SLCO3A1: variants seen among roughly 807,000 people sequenced by gnomAD.
The protein encoded by SLCO3A1 is PGE1 transporter.
A neutral mutation model predicts 63.1 loss-of-function variants in SLCO3A1; 27 were observed. The ratio of observed to expected loss-of-function variants is 0.43; its 90% CI spans 0.32 to 0.59. The LOEUF is 0.59. Ranked by LOEUF, SLCO3A1 falls within the 20% of genes least tolerant of loss-of-function variation. The pLI is 0.09. For synonymous variants in SLCO3A1, 473 were observed against 409.9 expected, an observed-to-expected ratio of 1.15 and a Z score of -1.86; for missense variants, 773 against 945.8, an observed-to-expected ratio of 0.82 and a Z score of 2.40.
At chr15:91,917,022 G>A (rs142687706) in intron 2 of SLCO3A1, among the ~76,000 whole-genome samples, 8 of 152,150 alleles carry the variant, frequency 5.3e-5, no homozygotes, top group Non-Finnish European at 1.0e-4. Flanking sequence ...TATTTTTCAC[G>A]GTCAGAGTTT....
intron 2 of SLCO3A1, among the ~76,000 whole-genome samples, chr15:91,973,795 A>G (rs970295902): frequency 6.6e-5 from 10 of 152,178 alleles, no homozygotes; most frequent in African/African-American, 2.4e-4. Flanking sequence ...AAATGTCAAT[A>G]ATGCCAAGCC....
intron 2 of SLCO3A1, among the ~76,000 whole-genome samples, chr15:92,017,442 C>T (rs943487964): frequency 6.6e-5 from 10 of 152,124 alleles, no homozygotes; most frequent in African/African-American, 1.9e-4. Context: ...AGAGAAGAAG[C>T]GGTGTGTGAA....
chr15:91,857,067 T>A lies in SLCO3A1; in HGVS notation c.180+2979T>A, dbSNP rs1014613218. Among the ~76,000 whole-genome samples the A allele has an allele frequency of 6.1e-3, 826 of 135,264 alleles. 10 individuals are homozygous for A. The highest frequency in any genetic ancestry group is 0.026 in the African/African-American group (784 of 30,594). The allele number at this position is 135,264 out of a possible 152,430, so 88.7% of individuals were successfully genotyped here. ...GTGTGTGTGTGTGTGTGTGTGTGTG[T>A]GTGAGAGAGAGAGAGAGAAAATGTG... On this transcript the variant is annotated intron_variant, in intron 1 of 9. Coordinates refer to ENST00000318445, the MANE Select transcript of SLCO3A1 (RefSeq NM_013272.4).
At chr15:92,120,703 A>T (rs1326945081) in intron 5 of SLCO3A1, 74 bp downstream of exon 5, 7 of 1,365,060 alleles carry the variant, frequency 5.1e-6, no homozygotes, top group Non-Finnish European at 7.2e-6. Flanking sequence ...AAATTTACTG[A>T]GCCCTGCTGA....
intron 2 of SLCO3A1, among the ~76,000 whole-genome samples, chr15:91,920,666 T>C (rs1396268661): frequency 6.6e-6 from 1 of 152,168 alleles, no homozygotes; most frequent in Non-Finnish European, 1.5e-5. Context: ...TCACATGCCA[T>C]TCATTCTGTT....
At chr15:92,034,981 T>A (rs578084533) in intron 2 of SLCO3A1, among the ~76,000 whole-genome samples, 1 of 152,056 alleles carries the variant, frequency 6.6e-6, no homozygotes, top group South Asian at 2.1e-4. Flanking sequence ...ATTTTGCATC[T>A]GAGGGAACTG....
chr15:91,960,281 C>T (rs1900396039), intron 2 of SLCO3A1, among the ~76,000 whole-genome samples: 1 of 152,220 alleles, frequency 6.6e-6, no homozygotes, highest in South Asian at 2.1e-4. Flanking sequence ...CCACGCCCGG[C>T]CTTATGTGGC....
At chr15:91,957,643 T>C (rs1900288457) in intron 2 of SLCO3A1, among the ~76,000 whole-genome samples, 1 of 152,198 alleles carries the variant, frequency 6.6e-6, no homozygotes, top group South Asian at 2.1e-4. Flanking sequence ...TTCAGGGCTT[T>C]GCTCAGATAC....
intron 4 of SLCO3A1, among the ~76,000 whole-genome samples, chr15:92,114,191 T>A (rs1428208886): frequency 6.6e-6 from 1 of 152,168 alleles, no homozygotes; most frequent in Non-Finnish European, 1.5e-5. Flanking sequence ...CTGAATATGT[T>A]TCCACCCAGA....
At chr15:92,157,043 AG>A (rs2151599551) in intron 9 of SLCO3A1, 1 of 152,330 alleles carries the variant, frequency 6.6e-6, no homozygotes, top group East Asian at 1.9e-4. Flanking sequence ...CTGTGCAGCA[AG>A]TTATGCATTG....
chr15:92,097,257 G>A lies in SLCO3A1; in HGVS notation c.745+2278G>A, dbSNP rs78610572. ...GGAAACCAAGTCACAGAGAGGGGAA[G>A]GGATGTCCCCAATCCAAGGAATGTA... On this transcript the variant is annotated intron_variant, in intron 3 of 9. Transcript: ENST00000318445. Among the ~76,000 whole-genome samples, 166 of 144,086 alleles carry A rather than the reference G, an allele frequency of 1.2e-3. 4 individuals carry two copies. The East Asian group carries it at 0.02, about 17-fold the overall frequency. 94.5% of individuals were successfully genotyped at this position (144,086 alleles called of 152,430 possible). A position where few individuals can be genotyped will look rare whatever the true frequency, so the allele number is the denominator to read the frequency against.
intron 2 of SLCO3A1, among the ~76,000 whole-genome samples, chr15:91,923,915 A>T (rs1898928018): frequency 6.6e-6 from 1 of 152,176 alleles, no homozygotes. Flanking sequence ...GGAATTTGCT[A>T]GTTGGGCATT....
At chr15:92,071,497 A>G (rs1418215742) in intron 2 of SLCO3A1, among the ~76,000 whole-genome samples, 1 of 152,226 alleles carries the variant, frequency 6.6e-6, no homozygotes, top group Non-Finnish European at 1.5e-5. Flanking sequence ...GTTCAGGGGA[A>G]AAAACACACG....
chr15:92,113,595 C>T (rs562338174), intron 4 of SLCO3A1, among the ~76,000 whole-genome samples: 9 of 152,306 alleles, frequency 5.9e-5, no homozygotes, highest in East Asian at 1.9e-4. Flanking sequence ...TGCTAGGAAG[C>T]GCTCCCATGG....
At chr15:91,952,622 C>G (rs1900037670) in intron 2 of SLCO3A1, among the ~76,000 whole-genome samples, 1 of 152,190 alleles carries the variant, frequency 6.6e-6, no homozygotes, top group Non-Finnish European at 1.5e-5. Flanking sequence ...CTATGATGTT[C>G]AAGATCAATG....
At chr15:92,095,039 C>A (rs544511825) in intron 3 of SLCO3A1, 60 bp downstream of exon 3, 182 of 1,171,240 alleles carry the variant, frequency 1.6e-4, no homozygotes, top group Non-Finnish European at 2.2e-4. Context: ...CTCATAAATG[C>A]GGCTTCAGCC....
intron 2 of SLCO3A1, among the ~76,000 whole-genome samples, chr15:92,048,151 C>T (rs2046912661): frequency 6.6e-6 from 1 of 152,086 alleles, no homozygotes. Context: ...TTTAAACTGC[C>T]TCAGACCTCC....
At chr15:91,923,399 C>T (rs1433727040) in intron 2 of SLCO3A1, among the ~76,000 whole-genome samples, 2 of 152,216 alleles carry the variant, frequency 1.3e-5, no homozygotes, top group East Asian at 1.9e-4. Context: ...CCTCTTCAGT[C>T]CTGAATTAAA....
At chr15:92,021,985 G>A (rs1409245619) in intron 2 of SLCO3A1, among the ~76,000 whole-genome samples, 1 of 152,222 alleles carries the variant, frequency 6.6e-6, no homozygotes, top group Non-Finnish European at 1.5e-5. Flanking sequence ...GTGGCAGGAA[G>A]GCAAAGCCAA....
Sources: allele counts gnomAD v4.1 joint callset (sites outside exome capture counted in the v4.1 genomes callset), GRCh38; gene constraint gnomAD v4.1.1; transcripts MANE v1.5; gene names NCBI Gene and HGNC (gene_info 2026-07-23, HGNC 2026-07-21).